PASD1: variants seen among roughly 807,000 people sequenced by gnomAD.
The protein encoded by PASD1 is circadian clock protein PASD1.
In PASD1, 13 loss-of-function variants were observed where a neutral mutation model predicts 58.8. The observed-to-expected ratio is 0.22, with a 90% CI of 0.14 to 0.35. The LOEUF (loss-of-function observed/expected upper bound fraction) is 0.35. PASD1 is among the 10% of genes least tolerant of loss of function. The pLI is 1.00. For missense variants in PASD1, 734 were observed against 568.3 expected (o/e 1.29, Z -2.96); for synonymous variants, 236 against 216.7 (o/e 1.09, Z -0.78).
At position 151,644,685 on chromosome X, in the gene PASD1, C is replaced by T. The variant is rs143384393; in HGVS notation, c.630-3930C>T. ...GGCTAATGAGGGCATTTGAACTGAC[C>T]ACACTTATGGGGACTGTACAGATTA... On this transcript the variant is annotated intron_variant, in intron 8 of 15. Coordinates refer to ENST00000370357, the MANE Select transcript of PASD1 (RefSeq NM_173493.3). Among the ~76,000 whole-genome samples the T allele has an allele frequency of 9.8e-4, 108 of 110,294 alleles. 1 individual carries two copies. The highest frequency in any genetic ancestry group is 3.3e-3 in the African/African-American group (101 of 30,317).
chrX:151,653,838 CCTTCCT>C lies in PASD1; in HGVS notation c.717+5137_717+5142del, dbSNP rs1569413799. ...TCCTTCCTTCCTTCCTTCCTTCCTTCCTTCCTTCCCTCCCTCCCTCCCTCCCTCCCT... is the reference window on the plus strand; with the variant it reads ...TCCTTCCTTCCTTCCTTCCTTCCTTCTCCCTCCCTCCCTCCCTCCCTCCCT... On this transcript the variant is annotated intron_variant, in intron 9 of 15. Transcript: ENST00000370357. Among the ~76,000 whole-genome samples the C allele has an allele frequency of 5.6e-3, 135 of 24,017 alleles. 11 individuals are homozygous for C. The highest frequency in any genetic ancestry group is 0.013 in the African/African-American group (130 of 10,043). The allele number at this position is 24,017 out of a possible 115,157, so 20.9% of individuals were successfully genotyped here.
At chrX:151,652,199 C>T (rs2014136128) in intron 9 of PASD1, among the ~76,000 whole-genome samples, 4 of 111,289 alleles carry the variant, frequency 3.6e-5, no homozygotes, top group Admixed American at 2.9e-4. Context: ...CAGACAATAA[C>T]GAGATGAAAA....
At chrX:151,664,489 G>A (rs2014354668) in intron 11 of PASD1, 141 bp downstream of exon 11, 3 of 1,017,157 alleles carry the variant, frequency 2.9e-6, no homozygotes, top group Non-Finnish European at 3.9e-6. Flanking sequence ...CACTATTTCT[G>A]TTATACTGGA....
At chrX:151,643,308 A>G (rs2014019431) in intron 8 of PASD1, among the ~76,000 whole-genome samples, 1 of 111,537 alleles carries the variant, frequency 9.0e-6, no homozygotes, top group Non-Finnish European at 1.9e-5. Flanking sequence ...GGAGTTGGTC[A>G]AGATTGCATC....
chrX:151,663,876 A>T (rs751682635), intron 10 of PASD1, among the ~76,000 whole-genome samples: 1 of 112,061 alleles, frequency 8.9e-6, no homozygotes, highest in East Asian at 2.8e-4. Flanking sequence ...AATGACACTA[A>T]CAAATGCAGT....
In PASD1 at chrX:151,619,554, A is replaced by G. The variant is rs760198448; in HGVS notation, c.208-1376A>G. 8.1e-5 allele frequency among the ~76,000 whole-genome samples: 9 copies of G among 111,584 alleles called. No homozygotes were observed. In the East Asian group the frequency reaches 2.5e-3, roughly 32 times the overall value. On this transcript the variant is annotated intron_variant, in intron 4 of 15. Coordinates refer to ENST00000370357, the MANE Select transcript of PASD1 (RefSeq NM_173493.3). ...ATTGTGAAGGAGTAGCCTTTGAGGT[A>G]GAAGTATATCCTCATGTGTGTGGTG...
intron 10 of PASD1, 150 bp from the exon 11 acceptor site, chrX:151,663,969 A>T (rs938793914): frequency 3.1e-5 from 29 of 942,534 alleles, no homozygotes; most frequent in Middle Eastern, 7.6e-4. Context: ...TCAAATATGA[A>T]CAGATTTTTA....
intron 1 of PASD1, among the ~76,000 whole-genome samples, chrX:151,594,747 C>T (rs376651091): frequency 2.6e-4 from 29 of 111,748 alleles, no homozygotes; most frequent in African/African-American, 8.1e-4. Context: ...GCTTTTCATT[C>T]CTTTGTGTAG....
intron 11 of PASD1, among the ~76,000 whole-genome samples, chrX:151,669,851 A>C (rs1421162364): frequency 8.9e-6 from 1 of 112,120 alleles, no homozygotes; most frequent in Non-Finnish European, 1.9e-5. Context: ...ACTGCAACGA[A>C]CATGGGAGTG....
intron 14 of PASD1, 118 bp from the exon 15 acceptor site, chrX:151,673,810 C>G: frequency 2.3e-6 from 2 of 858,870 alleles, no homozygotes; most frequent in Non-Finnish European, 3.4e-6. Flanking sequence ...ACAAGTGAAT[C>G]CTGTGGTGTA....
intron 9 of PASD1, among the ~76,000 whole-genome samples, chrX:151,650,079 A>G (rs1349164251): frequency 1.8e-5 from 2 of 112,287 alleles, no homozygotes; most frequent in African/African-American, 6.5e-5. Context: ...AATAAGGTAG[A>G]AGAATGCTAA....
chrX:151,601,769 G>A (rs16996032), intron 2 of PASD1, among the ~76,000 whole-genome samples, 188 bp downstream of exon 2: 4,957 of 110,913 alleles, frequency 0.045, 225 homozygotes, highest in African/African-American at 0.13. Context: ...CACATCACCT[G>A]TTTACCTGAC....
intron 4 of PASD1, among the ~76,000 whole-genome samples, chrX:151,613,277 C>A (rs2013591549): frequency 9.0e-6 from 1 of 110,760 alleles, no homozygotes; most frequent in African/African-American, 3.3e-5. Flanking sequence ...GTTCTTTTGG[C>A]TTAGGATTGA....
Position 151,671,563 on chromosome X carries a change from G to T in PASD1, c.1231-10G>T, listed in dbSNP as rs1192490222. 8.3e-7 allele frequency: 1 copy of T among 1,207,740 alleles called. No homozygotes were observed. The highest frequency in any genetic ancestry group is 1.1e-6 in the Non-Finnish European group (1 of 892,881). ...GTGAATAAGACCTTTGTGATACTGT[G>T]TCCTTACAGAAGCAGCCAAACACAT... On this transcript the variant is annotated splice_polypyrimidine_tract_variant and intron_variant, in intron 12 of 15. Coordinates refer to ENST00000370357, the MANE Select transcript of PASD1 (RefSeq NM_173493.3).
chrX:151,602,505 G>A (rs745832041), intron 2 of PASD1, among the ~76,000 whole-genome samples: 5 of 110,316 alleles, frequency 4.5e-5, no homozygotes, highest in Non-Finnish European at 9.5e-5. Flanking sequence ...GACCAGCCTG[G>A]CCAACGTGGT....
At position 151,676,189 on chromosome X, in the gene PASD1, A is replaced by C. The variant is rs751085287; in HGVS notation, c.*46A>C. 4.9e-5 allele frequency: 57 copies of C among 1,158,048 alleles called. No individual in the cohort carries two copies. Among genetic ancestry groups the C allele is most frequent in the South Asian group, 1.8e-4 (9 of 49,603 alleles). The stretch of plus-strand genomic sequence containing the variant: ...ATGAGGGGAAATGGGGGGAGGGGGC[A>C]GGCCAATGAGGTCTGCATGGCCAGG... On this transcript the variant is annotated 3_prime_UTR_variant, in exon 16 of 16. Transcript: ENST00000370357.
At chrX:151,595,422 G>C (rs1177581925) in intron 1 of PASD1, among the ~76,000 whole-genome samples, 1 of 111,119 alleles carries the variant, frequency 9.0e-6, no homozygotes, top group Non-Finnish European at 1.9e-5. Flanking sequence ...TGGTCTTGTA[G>C]AATGTCACCT....
chrX:151,670,435 G>GCA (rs2014451037), intron 11 of PASD1, among the ~76,000 whole-genome samples: 2 of 111,980 alleles, frequency 1.8e-5, no homozygotes, highest in African/African-American at 3.2e-5. Context: ...TTGCCCCATA[G>GCA]CACACTCTCT....
chrX:151,672,213 AAGGAGCAGCAGCGGCAGCTGC>A lies in PASD1; in HGVS notation c.1469_1489del (p.Lys490_Leu496del), dbSNP rs1834504318. 1.7e-6 allele frequency: 2 copies of A among 1,159,647 alleles called. No homozygotes were observed. Among genetic ancestry groups the A allele is most frequent in the Non-Finnish European group, 2.3e-6 (2 of 870,916 alleles). On this transcript the variant is annotated inframe_deletion, in exon 14 of 16. Coordinates refer to ENST00000370357, the MANE Select transcript of PASD1 (RefSeq NM_173493.3). ...ACTGGTGCAGCAAGAACAACACCTG[AAGGAGCAGCAGCGGCAGCTGC>A]GGGAGCAGCTGCAACAGCTGAGAGA... is the stretch of plus-strand genomic sequence containing the variant.
Sources: gnomAD v4.1 joint callset for allele counts (sites outside exome capture counted in the v4.1 genomes callset) on GRCh38, gnomAD v4.1.1 for gene constraint, MANE v1.5 for transcripts, NCBI Gene and HGNC (gene_info 2026-07-23, HGNC 2026-07-21) for gene names.